ACO1: variants seen among roughly 807,000 people sequenced by gnomAD.
ACO1 encodes aconitase 1, also known as cytoplasmic aconitate hydratase.
Under a neutral mutation model 105.1 loss-of-function variants are expected in ACO1, and 78 were observed. The ratio of observed to expected loss-of-function variants is 0.74; its 90% CI spans 0.62 to 0.90. The LOEUF (loss-of-function observed/expected upper bound fraction) is 0.90. Among genes scored for constraint, ACO1 ranks in the 40% least tolerant of loss-of-function variants. The pLI, the probability that ACO1 is intolerant of heterozygous loss-of-function variation, is 0.00. For missense variants in ACO1, 965 were observed against 1,111.1 expected, an observed-to-expected ratio of 0.87 and a Z score of 1.87; for synonymous variants, 364 against 397.4, an observed-to-expected ratio of 0.92 and a Z score of 1.00.
chr9:32,404,271 TC>T (rs1011748855), intron 1 of ACO1, among the ~76,000 whole-genome samples: 1 of 152,002 alleles, frequency 6.6e-6, no homozygotes, highest in African/African-American at 2.4e-5. Flanking sequence ...CCCATAGATT[TC>T]CCCCCATTCA....
chr9:32,394,881 G>C (rs1303940118), intron 1 of ACO1, among the ~76,000 whole-genome samples: 1 of 152,208 alleles, frequency 6.6e-6, no homozygotes, highest in African/African-American at 2.4e-5. Flanking sequence ...GATGAGACCA[G>C]GTTGGTGAGG....
chr9:32,421,101 T>A, intron 8 of ACO1, 74 bp downstream of exon 8: 2 of 1,503,272 alleles, frequency 1.3e-6, no homozygotes, highest in Non-Finnish European at 1.8e-6. Context: ...GAGCACTGCC[T>A]TCTGCCTCTA....
chr9:32,406,622 C>T (rs540434253), intron 2 of ACO1, among the ~76,000 whole-genome samples: 7 of 152,220 alleles, frequency 4.6e-5, no homozygotes, highest in East Asian at 1.9e-4. Flanking sequence ...GACCCTGTCT[C>T]GAAAACAAAC....
Position 32,399,738 on chromosome 9 carries a change from C to G in ACO1, c.-22-5747C>G, listed in dbSNP as rs143938976. On this transcript the variant is annotated intron_variant, in intron 1 of 20. Transcript: ENST00000309951. Reference sequence around the variant, plus strand: ...TGCTGTAAAATATCACACGATTGTCCTATTAAGATATTTGAGGTTTATTGT... The same window carrying G: ...TGCTGTAAAATATCACACGATTGTCGTATTAAGATATTTGAGGTTTATTGT... 2.7e-5 allele frequency among the ~76,000 whole-genome samples: 4 copies of G among 150,644 alleles called. No homozygotes were observed. The South Asian group carries it at 8.4e-4, about 32-fold the overall frequency.
chr9:32,429,453 A>G lies in ACO1; in HGVS notation c.1519A>G (p.Ile507Val). 6.2e-7 allele frequency: 1 copy of G among 1,614,212 alleles called. No homozygotes were observed. Among genetic ancestry groups the G allele is most frequent in the Non-Finnish European group, 8.5e-7 (1 of 1,180,042 alleles). Residue 507 changes from isoleucine (I) to valine (V), a missense_variant, in exon 13 of 21, where the codon ATT (isoleucine) becomes GTT (valine). Physicochemically the swap from Ile to Val is conservative, Grantham distance 29. Coordinates refer to ENST00000309951, the MANE Select transcript of ACO1 (RefSeq NM_002197.3). ...GGTGGGCTATGGCTGCATGACCTGC[A>G]TTGGCAACAGTGGGCCTTTACCTGA... ...DVVGYGCMTC[I>V]GNSGPLPEPV...
intron 1 of ACO1, among the ~76,000 whole-genome samples, chr9:32,385,577 A>G (rs1216995128): frequency 2.0e-5 from 3 of 152,204 alleles, no homozygotes; most frequent in Admixed American, 6.5e-5. Flanking sequence ...AAAAAGAACT[A>G]TATTTCCCAA....
At chr9:32,400,065 G>C (rs994225188) in intron 1 of ACO1, among the ~76,000 whole-genome samples, 10 of 144,212 alleles carry the variant, frequency 6.9e-5, no homozygotes, top group African/African-American at 2.6e-4. Context: ...CCGCCTGCTG[G>C]GTTCAAATAA....
At chr9:32,437,738 A>C (rs7855756) in intron 18 of ACO1, among the ~76,000 whole-genome samples, 10,485 of 152,218 alleles carry the variant, frequency 0.069, 1,143 homozygotes, top group African/African-American at 0.23. Flanking sequence ...AAAATTATAT[A>C]CTTAGAGAAG....
chr9:32,398,304 A>G (rs1482075649), intron 1 of ACO1, among the ~76,000 whole-genome samples: 1 of 152,232 alleles, frequency 6.6e-6, no homozygotes, highest in African/African-American at 2.4e-5. Context: ...CTTGGCATTT[A>G]GCTTAAAGTA....
intron 1 of ACO1, among the ~76,000 whole-genome samples, chr9:32,404,965 GT>G (rs1215505951): frequency 6.6e-6 from 1 of 152,216 alleles, no homozygotes; most frequent in Admixed American, 6.5e-5. Context: ...TATAAACACA[GT>G]TACGGTGTAT....
At chr9:32,428,068 A>C (rs10970974) in intron 12 of ACO1, among the ~76,000 whole-genome samples, 23,729 of 151,706 alleles carry the variant, frequency 0.16, 2,526 homozygotes, top group South Asian at 0.29. Flanking sequence ...TCAAGCCAGG[A>C]GTTTGAAACT....
Position 32,450,141 on chromosome 9 carries a change from A to G in ACO1, c.*30A>G, listed in dbSNP as rs757841715. ...CGTGCACTTGGTGCTGCGCCCAGGG[A>G]GGAAGCCGCACCACCAGCCAGCGCA... On this transcript the variant is annotated 3_prime_UTR_variant, in exon 21 of 21. Transcript: ENST00000309951. 3 of 1,566,608 alleles carry G rather than the reference A, an allele frequency of 1.9e-6. No individual in the cohort carries two copies. Among genetic ancestry groups the G allele is most frequent in the Non-Finnish European group, 2.6e-6 (3 of 1,138,672 alleles).
At chr9:32,384,851 GA>G (rs1204418455) in intron 1 of ACO1, 116 bp downstream of exon 1, 5 of 242,606 alleles carry the variant, frequency 2.1e-5, no homozygotes, top group South Asian at 1.6e-4. Flanking sequence ...CGGCACGGGG[GA>G]CACGGAGGCG....
At chr9:32,429,378 AT>A (rs1234456988) in intron 12 of ACO1, 40 bp from the exon 13 acceptor site, 2 of 1,591,570 alleles carry the variant, frequency 1.3e-6, no homozygotes, top group South Asian at 2.2e-5. Flanking sequence ...ACTGAAAGTT[AT>A]TCTTTTTTTG....
chr9:32,438,800 A>G (rs1184137456), intron 18 of ACO1, among the ~76,000 whole-genome samples: 1 of 152,226 alleles, frequency 6.6e-6, no homozygotes, highest in Non-Finnish European at 1.5e-5. Context: ...ACTTACCAAA[A>G]TAACTATATT....
intron 17 of ACO1, among the ~76,000 whole-genome samples, chr9:32,435,136 T>A (rs1301531272): frequency 2.0e-5 from 3 of 152,168 alleles, no homozygotes; most frequent in Non-Finnish European, 4.4e-5. Flanking sequence ...TCTTCAGTAG[T>A]GTGCTGATAT....
intron 14 of ACO1, among the ~76,000 whole-genome samples, 185 bp downstream of exon 14, chr9:32,430,759 A>C (rs1339530351): frequency 6.6e-6 from 1 of 152,202 alleles, no homozygotes; most frequent in Non-Finnish European, 1.5e-5. Flanking sequence ...ACAAGAATCT[A>C]CTGAGGGTAA....
chr9:32,405,111 C>CTAAGTGGGAGAA (rs111582718), intron 1 of ACO1, among the ~76,000 whole-genome samples: 1 of 152,104 alleles, frequency 6.6e-6, no homozygotes, highest in Non-Finnish European at 1.5e-5. Flanking sequence ...GCATGTGAGA[C>CTAAGTGGGAGAA]GTAGTTCCCA....
At chr9:32,406,767 A>G (rs923148128) in intron 2 of ACO1, among the ~76,000 whole-genome samples, 1 of 152,236 alleles carries the variant, frequency 6.6e-6, no homozygotes, top group Admixed American at 6.5e-5. Flanking sequence ...CCTTGTGTGT[A>G]GTGTTTTCTA....
Sources: gnomAD v4.1 joint callset for allele counts (sites outside exome capture counted in the v4.1 genomes callset) on GRCh38, gnomAD v4.1.1 for gene constraint, MANE v1.5 for transcripts, NCBI Gene and HGNC (gene_info 2026-07-23, HGNC 2026-07-21) for gene names.